The following MYO3A variants were observed in gnomAD, a reference collection of about 807,000 sequenced individuals.
MYO3A encodes the protein myosin IIIA, also known as myosin-IIIa.
MYO3A carries 180 observed loss-of-function variants against 192.7 expected under a neutral mutation model. The observed-to-expected ratio is 0.93, with a 90% confidence interval of 0.83 to 1.06. The LOEUF is 1.06. MYO3A is among the 50% of genes least tolerant of loss of function. The pLI is 0.00. For synonymous variants in MYO3A, 628 were observed against 645.3 expected, an observed-to-expected ratio of 0.97 and a Z score of 0.41; for missense variants, 1,896 against 1,905.0, an observed-to-expected ratio of 1.00 and a Z score of 0.09.
intron 15 of MYO3A, among the ~76,000 whole-genome samples, chr10:26,090,156 A>G (rs1264015844): frequency 1.3e-5 from 2 of 152,208 alleles, no homozygotes; most frequent in Non-Finnish European, 2.9e-5. Flanking sequence ...CAGGCCCTTC[A>G]GGAAGAACTA....
intron 6 of MYO3A, among the ~76,000 whole-genome samples, chr10:25,998,747 T>C (rs1840605769): frequency 6.6e-6 from 1 of 152,096 alleles, no homozygotes; most frequent in Non-Finnish European, 1.5e-5. Context: ...TTAAAACAAG[T>C]ATCAATAAAC....
At chr10:25,953,743 C>G (rs562685694) in intron 3 of MYO3A, among the ~76,000 whole-genome samples, 1 of 152,186 alleles carries the variant, frequency 6.6e-6, no homozygotes, top group South Asian at 2.1e-4. Flanking sequence ...TAAGTCCCCC[C>G]TATTTAGTAT....
chr10:25,979,532 C>T (rs561052764), intron 4 of MYO3A, among the ~76,000 whole-genome samples: 4 of 139,680 alleles, frequency 2.9e-5, no homozygotes, highest in East Asian at 5.0e-4. Context: ...AGGAAACATA[C>T]CAAAACAATC....
intron 4 of MYO3A, among the ~76,000 whole-genome samples, chr10:25,966,781 T>C (rs998610436): frequency 6.6e-6 from 1 of 152,204 alleles, no homozygotes; most frequent in Non-Finnish European, 1.5e-5. Context: ...TCTCAAATTA[T>C]AGTATACGTA....
chr10:26,111,384 C>G (rs1838167982), intron 17 of MYO3A, among the ~76,000 whole-genome samples: 1 of 152,172 alleles, frequency 6.6e-6, no homozygotes, highest in South Asian at 2.1e-4. Flanking sequence ...TCTGATGTCC[C>G]AGGCATCATA....
At chr10:26,013,621 TG>T (rs763680766) in intron 6 of MYO3A, among the ~76,000 whole-genome samples, 2 of 152,096 alleles carry the variant, frequency 1.3e-5, no homozygotes, top group Non-Finnish European at 2.9e-5. Context: ...ATACAATAGA[TG>T]TTGGCAGGGA....
intron 14 of MYO3A, among the ~76,000 whole-genome samples, chr10:26,078,157 A>T (rs1835716337): frequency 7.8e-6 from 1 of 128,064 alleles, no homozygotes. Context: ...GTAATTTTAA[A>T]ATTACAATTT....
chr10:26,056,874 AT>A (rs1297889466), intron 10 of MYO3A, among the ~76,000 whole-genome samples: 5 of 151,994 alleles, frequency 3.3e-5, no homozygotes, highest in Admixed American at 1.3e-4. Context: ...TCAAAACTCC[AT>A]TTTTTCCATA....
chr10:26,105,965 C>G (rs1220579697), intron 17 of MYO3A, among the ~76,000 whole-genome samples: 1 of 151,980 alleles, frequency 6.6e-6, no homozygotes, highest in East Asian at 1.9e-4. Flanking sequence ...TTTGATGCCT[C>G]TATTTTAGCC....
At chr10:26,198,482 A>G (rs1843522710) in intron 32 of MYO3A, among the ~76,000 whole-genome samples, 1 of 152,176 alleles carries the variant, frequency 6.6e-6, no homozygotes, top group Admixed American at 6.5e-5. Context: ...TCTTTCCAGT[A>G]CTTTCCCTGA....
chr10:26,084,259 G>T (rs1200217150), intron 14 of MYO3A, among the ~76,000 whole-genome samples: 4 of 152,292 alleles, frequency 2.6e-5, no homozygotes, highest in South Asian at 4.1e-4. Context: ...ATTTGCATAT[G>T]TTAAGCTAGA....
intron 9 of MYO3A, 75 bp from the exon 10 acceptor site, chr10:26,026,302 A>AT: frequency 6.5e-7 from 1 of 1,545,178 alleles, no homozygotes; most frequent in East Asian, 2.3e-5. Flanking sequence ...TGTTAGATTA[A>AT]TTTTTAGGAA....
chr10:26,128,440 G>C lies in MYO3A; in HGVS notation c.2164G>C (p.Glu722Gln), dbSNP rs1190265580. The C allele has an allele frequency of 1.2e-6, 2 of 1,612,822 alleles. No homozygotes were observed. The highest frequency in any genetic ancestry group is 1.1e-5 in the South Asian group (1 of 91,034). ...TGGCATTCTTGATATATTTGGCTTT[G>C]AAAATTTCAAAAAAAATTCCTTCGA... Reference protein sequence around the residue: ...SIGILDIFGFENFKKNSFEQL... With the variant: ...SIGILDIFGFQNFKKNSFEQL... Residue 722 changes from glutamate (E) to glutamine (Q), a missense_variant, in exon 20 of 35, where the codon GAA becomes CAA. Transcript: ENST00000642920.
Position 26,016,851 on chromosome 10 carries a change from C to A in MYO3A, c.540C>A (p.His180Gln). 1 of 1,614,156 alleles carries A rather than the reference C, an allele frequency of 6.2e-7. No homozygotes were observed. ...GVSAQLTSTR[H>Q]RRNTSVGTPF... The stretch of plus-strand genomic sequence containing the variant: ...CTGCACAGCTCACCAGTACCCGGCA[C>A]CGTCGGAACACATCCGTAGGAACAC... The change falls in exon 7 of 35, where the codon CAC becomes CAA. Residue 180 changes from histidine (H) to glutamine (Q), a missense_variant. By Grantham distance (24) the His-to-Gln change is conservative. Coordinates refer to ENST00000642920, the MANE Select transcript of MYO3A (RefSeq NM_017433.5).
chr10:26,164,730 C>T (rs768233167), intron 26 of MYO3A, among the ~76,000 whole-genome samples: 3 of 152,066 alleles, frequency 2.0e-5, no homozygotes, highest in Non-Finnish European at 2.9e-5. Flanking sequence ...AGATGATTGG[C>T]GGGTCCAGGC....
At chr10:26,078,483 T>G (rs1015175842) in intron 14 of MYO3A, among the ~76,000 whole-genome samples, 2 of 152,074 alleles carry the variant, frequency 1.3e-5, no homozygotes, top group African/African-American at 2.4e-5. Flanking sequence ...TTGTGGGGTT[T>G]TTTGTTTGTT....
chr10:26,109,170 C>T (rs138861059), intron 17 of MYO3A, among the ~76,000 whole-genome samples: 1 of 152,112 alleles, frequency 6.6e-6, no homozygotes, highest in South Asian at 2.1e-4. Context: ...AATGATATGA[C>T]AAGTTGCCCA....
chr10:26,023,068 AAAC>A (rs1554806430), intron 8 of MYO3A: 1 of 152,214 alleles, frequency 6.6e-6, no homozygotes, highest in Non-Finnish European at 1.5e-5. Context: ...ACAAGAAACA[AAAC>A]AACATTTCTG....
At chr10:26,190,103 T>G (rs2132133490) in intron 31 of MYO3A, among the ~76,000 whole-genome samples, 1 of 152,110 alleles carries the variant, frequency 6.6e-6, no homozygotes, top group African/African-American at 2.4e-5. Context: ...GAAAGGAAAA[T>G]CTGGTTTTCA....
Sources: gnomAD v4.1 joint callset for allele counts (sites outside exome capture counted in the v4.1 genomes callset) on GRCh38, gnomAD v4.1.1 for gene constraint, MANE v1.5 for transcripts, NCBI Gene and HGNC (gene_info 2026-07-23, HGNC 2026-07-21) for gene names.